UNC13C: variants seen among roughly 807,000 people sequenced by gnomAD.
UNC13C encodes protein unc-13 homolog C.
Under a neutral mutation model 245.4 loss-of-function variants are expected in UNC13C, and 174 were observed. The observed-to-expected ratio is 0.71, with a 90% CI of 0.63 to 0.80. UNC13C has a LOEUF of 0.80. Ranked by LOEUF, UNC13C falls within the 30% of genes least tolerant of loss-of-function variation. UNC13C has a pLI of 0.00. For synonymous variants in UNC13C, 992 were observed against 895.1 expected (o/e 1.11, Z -1.93); for missense variants, 2,829 against 2,602.9 (o/e 1.09, Z -1.89).
intron 2 of UNC13C, among the ~76,000 whole-genome samples, chr15:54,063,780 G>C (rs1489506400): frequency 6.6e-6 from 1 of 152,112 alleles, no homozygotes; most frequent in African/African-American, 2.4e-5. Flanking sequence ...TTTGGTGCAG[G>C]AAAATGCTAA....
intron 4 of UNC13C, among the ~76,000 whole-genome samples, chr15:54,157,643 G>C (rs574040823): frequency 1.6e-4 from 24 of 152,244 alleles, no homozygotes; most frequent in African/African-American, 5.8e-4. Context: ...GCTACTCAAA[G>C]GGTTCTTCTG....
chr15:54,351,889 A>T (rs2038991064), intron 17 of UNC13C, among the ~76,000 whole-genome samples: 1 of 152,042 alleles, frequency 6.6e-6, no homozygotes, highest in Non-Finnish European at 1.5e-5. Flanking sequence ...CTCATCTCTA[A>T]AATAATGCAA....
At chr15:54,136,812 T>A (rs2031758350) in intron 2 of UNC13C, among the ~76,000 whole-genome samples, 1 of 151,070 alleles carries the variant, frequency 6.6e-6, no homozygotes, top group Non-Finnish European at 1.5e-5. Context: ...ATTATATAAT[T>A]TTCATCCTTC....
upstream of UNC13C, among the ~76,000 whole-genome samples, chr15:53,978,185 A>G (rs754951954): frequency 2.6e-5 from 4 of 152,254 alleles, no homozygotes; most frequent in Non-Finnish European, 5.9e-5. Context: ...CTCCTAGGTC[A>G]TCATCCAGCG....
chr15:54,300,518 C>A, intron 13 of UNC13C, 145 bp downstream of exon 13: 2 of 779,150 alleles, frequency 2.6e-6, no homozygotes, highest in South Asian at 2.1e-5. Flanking sequence ...TGACTACTCT[C>A]TCTTACAGCT....
At chr15:54,234,944 C>T in intron 4 of UNC13C, 86 bp from the exon 5 acceptor site, 2 of 1,185,538 alleles carry the variant, frequency 1.7e-6, no homozygotes, top group Middle Eastern at 2.0e-4. Context: ...ATCTTTTTCA[C>T]AGACTTTATA....
At chr15:54,383,872 G>T (rs2039780389) in intron 17 of UNC13C, among the ~76,000 whole-genome samples, 1 of 151,704 alleles carries the variant, frequency 6.6e-6, no homozygotes, top group African/African-American at 2.4e-5. Flanking sequence ...CACCAATAAT[G>T]GCATAGCCAA....
chr15:54,242,934 C>G (rs965333496), intron 7 of UNC13C, among the ~76,000 whole-genome samples: 1 of 152,284 alleles, frequency 6.6e-6, no homozygotes, highest in Middle Eastern at 3.4e-3. Flanking sequence ...TCAGCCCCCT[C>G]CTCACCTTTG....
the UNC13C span, among the ~76,000 whole-genome samples, chr15:53,967,598 T>A: frequency 3.9e-5 from 6 of 152,212 alleles, no homozygotes; most frequent in African/African-American, 1.2e-4. Flanking sequence ...TTATTTGTTA[T>A]CTGGATTTTT....
At chr15:54,595,346 T>C (rs922876217) in intron 30 of UNC13C, among the ~76,000 whole-genome samples, 1 of 152,098 alleles carries the variant, frequency 6.6e-6, no homozygotes, top group African/African-American at 2.4e-5. Context: ...CCAACTCAAC[T>C]GGCACCCCAG....
chr15:54,531,642 CTT>C (rs557349442), intron 25 of UNC13C, among the ~76,000 whole-genome samples: 3 of 143,490 alleles, frequency 2.1e-5, no homozygotes, highest in Admixed American at 7.0e-5. Flanking sequence ...AAGAGTGTTT[CTT>C]TTTTTTTTTT....
chr15:54,600,492 A>G (rs1045957358), intron 30 of UNC13C, among the ~76,000 whole-genome samples: 4 of 152,210 alleles, frequency 2.6e-5, no homozygotes, highest in Admixed American at 6.5e-5. Context: ...GAGCTCAGCT[A>G]GATTAAGTTA....
At chr15:54,142,285 CTG>C (rs1159692621) in intron 2 of UNC13C, among the ~76,000 whole-genome samples, 1 of 152,118 alleles carries the variant, frequency 6.6e-6, no homozygotes, top group Admixed American at 6.5e-5. Flanking sequence ...CATCTGAAAA[CTG>C]TAGACCAAGC....
chr15:54,144,009 GCT>G (rs1595906381), intron 4 of UNC13C, among the ~76,000 whole-genome samples: 1 of 151,942 alleles, frequency 6.6e-6, no homozygotes, highest in East Asian at 1.9e-4. Context: ...TACAATTAAT[GCT>G]CTCTTTCAAT....
intron 1 of UNC13C, among the ~76,000 whole-genome samples, chr15:54,002,407 G>A (rs999929961): frequency 2.0e-5 from 3 of 151,846 alleles, no homozygotes; most frequent in African/African-American, 7.3e-5. Context: ...TCTTTAAAAT[G>A]AGAATAATAT....
chr15:53,907,905 A>G, the UNC13C span, among the ~76,000 whole-genome samples: 13 of 146,574 alleles, frequency 8.9e-5, 1 homozygote, highest in African/African-American at 3.2e-4. Flanking sequence ...AGATTACATC[A>G]CCCTTGATAT....
intron 2 of UNC13C, among the ~76,000 whole-genome samples, chr15:54,018,747 A>G (rs1221780226): frequency 6.6e-6 from 1 of 152,090 alleles, no homozygotes; most frequent in Non-Finnish European, 1.5e-5. Flanking sequence ...CTCTTATCAC[A>G]CTGACTCTCA....
intron 2 of UNC13C, among the ~76,000 whole-genome samples, chr15:54,066,623 T>A (rs1447666706): frequency 6.6e-6 from 1 of 152,198 alleles, no homozygotes; most frequent in Non-Finnish European, 1.5e-5. Flanking sequence ...AAGTGAGATT[T>A]GTGAGCCTCA....
In UNC13C at chr15:54,622,426, T is replaced by C; in HGVS notation, c.6199+7T>C. ...CATAAAGTCACTGTAAAAGGTATAC[T>C]TCTGGTCTAGATAAATCAAAACAGC... On this transcript the variant is annotated splice_region_variant and intron_variant, in intron 31 of 32. Coordinates refer to ENST00000260323, the MANE Select transcript of UNC13C (RefSeq NM_001080534.3). 1 of 1,604,924 alleles carries C rather than the reference T, an allele frequency of 6.2e-7. No homozygotes were observed. Among genetic ancestry groups the C allele is most frequent in the Non-Finnish European group, 8.5e-7 (1 of 1,171,914 alleles).
Sources: gnomAD v4.1 joint callset for allele counts (sites outside exome capture counted in the v4.1 genomes callset) on GRCh38, gnomAD v4.1.1 for gene constraint, MANE v1.5 for transcripts, NCBI Gene and HGNC (gene_info 2026-07-23, HGNC 2026-07-21) for gene names.